The following USP10 variants were observed in gnomAD, a reference collection of about 807,000 sequenced individuals.
USP10 encodes the protein ubiquitin specific peptidase 10.
A neutral mutation model predicts 84.5 loss-of-function variants in USP10; 22 were observed. The ratio of observed to expected loss-of-function variants is 0.26; its 90% CI spans 0.19 to 0.37. USP10 has a LOEUF of 0.37. Ranked by LOEUF, USP10 falls within the 10% of genes least tolerant of loss-of-function variation. USP10 has a pLI of 1.00. For missense variants in USP10, 1,019 were observed against 998.9 expected, an observed-to-expected ratio of 1.02 and a Z score of -0.27; for synonymous variants, 454 against 387.6, an observed-to-expected ratio of 1.17 and a Z score of -2.01.
rs1003068170 is a variant in USP10, at chr16:84,705,083, C to T, written c.21+4972C>T. On this transcript the variant is annotated intron_variant, in intron 1 of 13. Coordinates refer to ENST00000219473, the MANE Select transcript of USP10 (RefSeq NM_005153.3). ...CTTATCGGTTGTCATTCTTCGGATC[C>T]ATTCTCAGTTTATTTTTCTGGTATT... 3.9e-5 allele frequency among the ~76,000 whole-genome samples: 6 copies of T among 152,178 alleles called. 1 individual carries two copies. Among genetic ancestry groups the T allele is most frequent in the Admixed American group, 2.0e-4 (3 of 15,270 alleles).
Position 84,779,362 on chromosome 16 carries a change from G to A in USP10, c.*280G>A, listed in dbSNP as rs146442833. ...GAAATAATGCTGATTCCTGAGATAA[G>A]AAAGTGGATTTGATCCCCAGTCTCA... On this transcript the variant is annotated 3_prime_UTR_variant, in exon 14 of 14. Transcript: ENST00000219473. 2.6e-3 allele frequency: 691 copies of A among 265,138 alleles called. 3 individuals carry two copies. The highest frequency in any genetic ancestry group is 0.013 in the African/African-American group (598 of 45,262). The allele number at this position is 265,138 out of a possible 1,614,324, so 16.4% of individuals were successfully genotyped here.
chr16:84,741,577 C>T (rs1910626834), intron 3 of USP10, among the ~76,000 whole-genome samples: 3 of 152,062 alleles, frequency 2.0e-5, no homozygotes, highest in African/African-American at 7.2e-5. Context: ...TGGAGTTCTG[C>T]TTCCCCCTCC....
At chr16:84,731,180 C>T (rs1567608655) in intron 1 of USP10, among the ~76,000 whole-genome samples, 4 of 151,664 alleles carry the variant, frequency 2.6e-5, no homozygotes, top group Admixed American at 6.6e-5. Context: ...GGGGTTTCAC[C>T]GTGTTAGCCA....
At chr16:84,775,047 C>A in intron 12 of USP10, 113 bp from the exon 13 acceptor site, 2 of 881,864 alleles carry the variant, frequency 2.3e-6, no homozygotes, top group Non-Finnish European at 1.9e-6. Context: ...TTGTTTTGTT[C>A]CTGGTCTGAC....
At chr16:84,700,180 G>C (rs1357419845) in intron 1 of USP10, 69 bp downstream of exon 1, 22 of 1,145,394 alleles carry the variant, frequency 1.9e-5, no homozygotes, top group Non-Finnish European at 2.4e-5. Flanking sequence ...CGCGGCGGGC[G>C]GGCGTCCGCG....
rs769741120 is a variant in USP10 at position 84,744,892 on chromosome 16, T to C, written c.411T>C (p.Asn137=). ...SSNVEAEVLE[N]DGVSGGLGQR... ...ATGTGGAGGCGGAAGTTTTGGAAAA[T>C]GATGGTGTCTCAGGTGGTCTTGGAC... Residue 137 remains asparagine, a synonymous_variant, in exon 4 of 14, where the codon AAT becomes AAC. Transcript: ENST00000219473. 3 of 1,613,634 alleles carry C rather than the reference T, an allele frequency of 1.9e-6. No homozygotes were observed. The highest frequency in any genetic ancestry group is 3.3e-5 in the Admixed American group (2 of 59,990).
intron 8 of USP10, among the ~76,000 whole-genome samples, chr16:84,760,779 G>A (rs1913117190): frequency 6.6e-6 from 1 of 152,104 alleles, no homozygotes; most frequent in African/African-American, 2.4e-5. Flanking sequence ...GGGCCAGGGA[G>A]CCCTTATAAA....
chr16:84,719,449 C>A (rs113596803), intron 1 of USP10, among the ~76,000 whole-genome samples: 2 of 152,124 alleles, frequency 1.3e-5, no homozygotes, highest in Non-Finnish European at 2.9e-5. Context: ...CTAAATGAGG[C>A]CTGGACTCCA....
At chr16:84,718,137 A>C (rs1170414286) in intron 1 of USP10, among the ~76,000 whole-genome samples, 2 of 152,214 alleles carry the variant, frequency 1.3e-5, no homozygotes, top group Non-Finnish European at 2.9e-5. Context: ...TATTTTTGAG[A>C]AAGTGGAGTG....
At chr16:84,749,414 G>C (rs1911639777) in intron 4 of USP10, among the ~76,000 whole-genome samples, 1 of 152,124 alleles carries the variant, frequency 6.6e-6, no homozygotes, top group Non-Finnish European at 1.5e-5. Flanking sequence ...AGTGGTATTT[G>C]TGTTATTAAC....
chr16:84,762,552 A>C (rs1913326098), intron 8 of USP10, among the ~76,000 whole-genome samples: 1 of 152,046 alleles, frequency 6.6e-6, no homozygotes, highest in Non-Finnish European at 1.5e-5. Flanking sequence ...TTAGCCAGGC[A>C]TGGTGGCACA....
chr16:84,710,269 GAA>G (rs570292528), intron 1 of USP10, among the ~76,000 whole-genome samples: 30 of 125,520 alleles, frequency 2.4e-4, no homozygotes, highest in Admixed American at 2.5e-4. Context: ...CTCCATCTCG[GAA>G]AAAAAAAAAA....
intron 10 of USP10, among the ~76,000 whole-genome samples, chr16:84,765,820 C>T (rs1428519698): frequency 6.6e-6 from 1 of 152,174 alleles, no homozygotes; most frequent in East Asian, 1.9e-4. Flanking sequence ...GGCTGTGTGC[C>T]AGTTCCCTTA....
At chr16:84,713,150 C>G (rs1204803108) in intron 1 of USP10, among the ~76,000 whole-genome samples, 1 of 152,200 alleles carries the variant, frequency 6.6e-6, no homozygotes, top group Admixed American at 6.5e-5. Context: ...TTTCCCCCAC[C>G]TTTGTGACCT....
At chr16:84,700,838 G>A (rs182486183) in intron 1 of USP10, among the ~76,000 whole-genome samples, 1 of 152,112 alleles carries the variant, frequency 6.6e-6, no homozygotes, top group African/African-American at 2.4e-5. Flanking sequence ...GTGGTGGAAA[G>A]AAAGAGCTCT....
chr16:84,728,398 GGT>G (rs1908788451), intron 1 of USP10, among the ~76,000 whole-genome samples: 1 of 151,738 alleles, frequency 6.6e-6, no homozygotes, highest in Non-Finnish European at 1.5e-5. Flanking sequence ...GGAGTTCAGT[GGT>G]GCGATCTCGG....
chr16:84,779,172 A>G lies in USP10; in HGVS notation c.*90A>G. Reference sequence around the variant, plus strand: ...CCGCCTCTCTTTAGTGGCTCTTTAGAGAGAAACTCTTTCTCCCTTTGCAAA... The same window carrying G: ...CCGCCTCTCTTTAGTGGCTCTTTAGGGAGAAACTCTTTCTCCCTTTGCAAA... On this transcript the variant is annotated 3_prime_UTR_variant, in exon 14 of 14. Transcript: ENST00000219473. 2 of 1,465,968 alleles carry G rather than the reference A, an allele frequency of 1.4e-6. No homozygotes were observed. The allele number at this position is 1,465,968 out of a possible 1,614,324, so 90.8% of individuals were successfully genotyped here.
At position 84,767,005 on chromosome 16, in the gene USP10, C is replaced by G. The variant is rs1163249961; in HGVS notation, c.1833-1188C>G. ...CAGGACCACTGAATCAAGAGGGCTT[C>G]TTGATTCTCCACCAGCTCTCATGAG... On this transcript the variant is annotated intron_variant, in intron 10 of 13. Transcript: ENST00000219473. Among the ~76,000 whole-genome samples the G allele has an allele frequency of 3.3e-5, 5 of 152,194 alleles. No individual in the cohort carries two copies. The East Asian group carries it at 9.6e-4, about 29-fold the overall frequency.
chr16:84,712,590 C>G (rs939407769), intron 1 of USP10, among the ~76,000 whole-genome samples: 1 of 152,182 alleles, frequency 6.6e-6, no homozygotes, highest in Non-Finnish European at 1.5e-5. Flanking sequence ...GCATGAAGTT[C>G]AGGACCACAG....
Sources: allele counts gnomAD v4.1 joint callset (sites outside exome capture counted in the v4.1 genomes callset), GRCh38; gene constraint gnomAD v4.1.1; transcripts MANE v1.5; gene names NCBI Gene and HGNC (gene_info 2026-07-23, HGNC 2026-07-21).